The following CDH4 variants were observed in gnomAD, a reference collection of about 807,000 sequenced individuals.
The protein encoded by CDH4 is cadherin-4.
Under a neutral mutation model 86.0 loss-of-function variants are expected in CDH4, and 33 were observed. The observed-to-expected ratio is 0.38, with a 90% CI of 0.29 to 0.51. CDH4 has a LOEUF of 0.51. Among genes scored for constraint, CDH4 ranks in the 20% least tolerant of loss-of-function variants. The pLI, the probability that CDH4 is intolerant of heterozygous loss-of-function variation, is 0.86. For missense variants in CDH4, 1,114 were observed against 1,307.4 expected (o/e 0.85, Z 2.28); for synonymous variants, 555 against 549.4 (o/e 1.01, Z -0.14).
chr20:61,919,470 A>G (rs1490609873), intron 9 of CDH4, among the ~76,000 whole-genome samples: 2 of 152,236 alleles, frequency 1.3e-5, no homozygotes, highest in East Asian at 3.9e-4. Flanking sequence ...CTCCAAAGCC[A>G]CAAACTGGCC....
At chr20:61,654,953 G>A (rs2087171419) in intron 2 of CDH4, among the ~76,000 whole-genome samples, 1 of 122,746 alleles carries the variant, frequency 8.1e-6, no homozygotes, top group African/African-American at 2.7e-5. Flanking sequence ...AGGGACACGG[G>A]GGCCTGAGCC....
At chr20:61,696,253 C>T (rs1193201784) in intron 2 of CDH4, among the ~76,000 whole-genome samples, 3 of 152,240 alleles carry the variant, frequency 2.0e-5, no homozygotes, top group Non-Finnish European at 4.4e-5. Context: ...ACAAGGCCGA[C>T]TCGGGCACAG....
chr20:61,933,087 T>A lies in CDH4; in HGVS notation c.2342T>A (p.Leu781His). 6.2e-7 allele frequency: 1 copy of A among 1,613,132 alleles called. No homozygotes were observed. Among genetic ancestry groups the A allele is most frequent in the Non-Finnish European group, 8.5e-7 (1 of 1,179,982 alleles). Residue 781 changes from leucine (L) to histidine (H), a missense_variant, in exon 14 of 16, where the codon CTC becomes CAC. Transcript: ENST00000614565. Reference protein sequence around the residue: ...DPEDDVRDNILKYDEEGGGEE... With the variant: ...DPEDDVRDNIHKYDEEGGGEE... ...GAGGACGACGTCCGCGACAACATCC[T>A]CAAGTATGACGAGGAAGGCGGTGGC... is the stretch of plus-strand genomic sequence containing the variant.
chr20:61,653,220 G>A (rs199972271), intron 2 of CDH4, among the ~76,000 whole-genome samples: 210 of 130,342 alleles, frequency 1.6e-3, no homozygotes, highest in African/African-American at 5.3e-3. Flanking sequence ...CTGAGTGGAC[G>A]CAGCACATGT....
intron 4 of CDH4, among the ~76,000 whole-genome samples, chr20:61,840,704 A>G (rs77887741): frequency 0.026 from 3,890 of 152,296 alleles, 95 homozygotes; most frequent in Non-Finnish European, 0.037. Flanking sequence ...TGTTTGTCTC[A>G]TTTGCCAGAC....
At chr20:61,403,217 G>T (rs2085059611) in intron 2 of CDH4, among the ~76,000 whole-genome samples, 1 of 152,208 alleles carries the variant, frequency 6.6e-6, no homozygotes, top group Non-Finnish European at 1.5e-5. Context: ...AGAGCAGGAG[G>T]CGGGTCTTGA....
chr20:61,713,821 C>T (rs2087919571), intron 2 of CDH4, among the ~76,000 whole-genome samples: 1 of 152,128 alleles, frequency 6.6e-6, no homozygotes, highest in South Asian at 2.1e-4. Flanking sequence ...GTTACTGAGA[C>T]TACTAGAAGC....
At chr20:61,658,661 C>T (rs2087218621) in intron 2 of CDH4, among the ~76,000 whole-genome samples, 1 of 152,200 alleles carries the variant, frequency 6.6e-6, no homozygotes, top group Admixed American at 6.5e-5. Context: ...CCTCCTGTCT[C>T]AGCACCAGCT....
chr20:61,622,565 G>A (rs1250172805), intron 2 of CDH4, among the ~76,000 whole-genome samples: 1 of 152,270 alleles, frequency 6.6e-6, no homozygotes, highest in Non-Finnish European at 1.5e-5. Context: ...CAGCACAGTA[G>A]CCTCCTGCTG....
At chr20:61,255,017 G>C (rs974175475) in intron 2 of CDH4, 80 bp downstream of exon 2, 78 of 849,506 alleles carry the variant, frequency 9.2e-5, no homozygotes, top group South Asian at 9.0e-4. Flanking sequence ...GAGAGGCAAG[G>C]CTTGCCTCAT....
At chr20:61,584,266 C>T (rs185500775) in intron 2 of CDH4, among the ~76,000 whole-genome samples, 85 of 152,318 alleles carry the variant, frequency 5.6e-4, no homozygotes, top group African/African-American at 2.0e-3. Context: ...TTGCACGTGC[C>T]TTCCAGAGTC....
chr20:61,387,914 T>C (rs2084961328), intron 2 of CDH4, among the ~76,000 whole-genome samples: 1 of 147,924 alleles, frequency 6.8e-6, no homozygotes. Flanking sequence ...CTCTGTTCCC[T>C]GCTTTGCTTT....
chr20:61,646,611 G>A (rs1274960755), intron 2 of CDH4, among the ~76,000 whole-genome samples: 5 of 152,226 alleles, frequency 3.3e-5, no homozygotes, highest in African/African-American at 9.6e-5. Flanking sequence ...GAGGGGCCGT[G>A]CCCTGGGGCT....
At chr20:61,263,503 G>C (rs2084139367) in intron 2 of CDH4, among the ~76,000 whole-genome samples, 1 of 152,168 alleles carries the variant, frequency 6.6e-6, no homozygotes, top group Non-Finnish European at 1.5e-5. Context: ...CTCATTTAAC[G>C]CTGTCAGGAG....
chr20:61,264,815 C>G (rs1429556448), intron 2 of CDH4, among the ~76,000 whole-genome samples: 7 of 141,776 alleles, frequency 4.9e-5, no homozygotes, highest in East Asian at 2.3e-4. Flanking sequence ...TTCAGTCCTA[C>G]ACATACCCCA....
chr20:61,743,776 A>G lies in CDH4; in HGVS notation c.383A>G (p.His128Arg). ...CTGGTGGCCCAGACCTCGTCCCCGC[A>G]CTCTGGACACAAGGTAAGGTGTGAC... ...RLLVAQTSSPHSGHKPQKGKK... is the reference protein window; with the variant it reads ...RLLVAQTSSPRSGHKPQKGKK... The change falls in exon 3 of 16, where the codon CAC (histidine) becomes CGC (arginine). Residue 128 changes from histidine (H) to arginine (R), a missense_variant. His to Arg is a conservative substitution (Grantham distance 29). Around this residue, in one of 3 missense-constraint regions of CDH4, gnomAD observed 221 missense variants for 209.5 expected, o/e 1.05. Coordinates refer to ENST00000614565, the MANE Select transcript of CDH4 (RefSeq NM_001794.5). 6.2e-7 allele frequency: 1 copy of G among 1,600,154 alleles called. No homozygotes were observed. The highest frequency in any genetic ancestry group is 1.1e-5 in the South Asian group (1 of 88,548).
intron 2 of CDH4, among the ~76,000 whole-genome samples, chr20:61,397,862 C>T (rs1186079469): frequency 6.6e-5 from 10 of 152,148 alleles, no homozygotes; most frequent in Non-Finnish European, 1.3e-4. Context: ...AACCATGGTA[C>T]TGAAACTTTA....
chr20:61,724,946 A>G (rs879702918), intron 2 of CDH4, among the ~76,000 whole-genome samples: 7 of 152,138 alleles, frequency 4.6e-5, no homozygotes, highest in Non-Finnish European at 8.8e-5. Flanking sequence ...CCCCATCTCA[A>G]CAAAAATAAT....
chr20:61,519,139 A>G (rs1468878637), intron 2 of CDH4, among the ~76,000 whole-genome samples: 2 of 152,198 alleles, frequency 1.3e-5, no homozygotes, highest in African/African-American at 2.4e-5. Context: ...TTCCACCACA[A>G]ATTTCTGGAC....
Sources: allele counts gnomAD v4.1 joint callset (sites outside exome capture counted in the v4.1 genomes callset), GRCh38; gene constraint gnomAD v4.1.1; regional missense constraint gnomAD v4.1.1; transcripts MANE v1.5; gene names NCBI Gene and HGNC (gene_info 2026-07-23, HGNC 2026-07-21).